Variants in U2AF2 observed in about 807,000 individuals in gnomAD.
U2AF2 encodes the protein splicing factor U2AF 65 kDa subunit.
A neutral mutation model predicts 52.6 loss-of-function variants in U2AF2; 6 were observed. The observed-to-expected ratio is 0.11, with a 90% CI of 0.06 to 0.23. U2AF2 has a LOEUF of 0.23. Among genes scored for constraint, U2AF2 ranks in the 10% least tolerant of loss-of-function variants. The probability of loss-of-function intolerance (pLI) is 1.00; values close to 1 mark genes in which losing one functional copy is unlikely to be tolerated. For synonymous variants in U2AF2, 284 were observed against 258.2 expected (o/e 1.10, Z -0.96); for missense variants, 222 against 677.1 (o/e 0.33, Z 7.46).
At chr19:55,664,017 G>A (rs953539978) in intron 7 of U2AF2, 16 of 401,738 alleles carry the variant, frequency 4.0e-5, no homozygotes, top group East Asian at 1.8e-4. Context: ...CTGGGGAAGC[G>A]AGGGGCTTGT....
In U2AF2 at chr19:55,662,498, G is replaced by A; in HGVS notation, c.487-4G>A. The A allele has an allele frequency of 3.0e-6, 4 of 1,333,992 alleles. No individual in the cohort carries two copies. The highest frequency in any genetic ancestry group is 4.0e-6 in the Non-Finnish European group (4 of 990,630). 82.6% of individuals were successfully genotyped at this position (1,333,992 alleles called of 1,614,324 possible). A position where few individuals can be genotyped will look rare whatever the true frequency, so the allele number is the denominator to read the frequency against. ...CCCCCCCTTGTCTCCTATTCCCTCT[G>A]CAGGAGGCCATGATGGATTTCTTCA... On this transcript the variant is annotated splice_polypyrimidine_tract_variant and splice_region_variant and intron_variant, in intron 5 of 11. Transcript: ENST00000308924.
chr19:55,667,812 G>A lies in U2AF2; in HGVS notation c.743-695G>A, dbSNP rs568015382. Among the ~76,000 whole-genome samples, 13 of 151,344 alleles carry A rather than the reference G, an allele frequency of 8.6e-5. No individual in the cohort carries two copies. The South Asian group carries it at 2.3e-3, about 27-fold the overall frequency. On this transcript the variant is annotated intron_variant, in intron 7 of 11. Transcript: ENST00000308924. Reference sequence around the variant, plus strand: ...TTTTTTTTTTTTCCTTTGAGATGGAGTCTCACTCTGTTGCTCAGGCTGGAG... The same window carrying A: ...TTTTTTTTTTTTCCTTTGAGATGGAATCTCACTCTGTTGCTCAGGCTGGAG...
intron 2 of U2AF2, among the ~76,000 whole-genome samples, chr19:55,659,738 A>C (rs960893564): frequency 6.6e-6 from 1 of 151,062 alleles, no homozygotes; most frequent in Non-Finnish European, 1.5e-5. Context: ...CTCTGCCTCC[A>C]GTTTCTTTCT....
intron 1 of U2AF2, among the ~76,000 whole-genome samples, chr19:55,656,374 T>TGAGG (rs1983796640): frequency 6.6e-6 from 1 of 152,250 alleles, no homozygotes; most frequent in Non-Finnish European, 1.5e-5. Context: ...TAACGTTTAC[T>TGAGG]GAGGGTCTGA....
Position 55,655,080 on chromosome 19 carries a change from C to G in U2AF2, c.-25C>G, listed in dbSNP as rs1181286719. The G allele has an allele frequency of 2.5e-6, 4 of 1,606,426 alleles. No homozygotes were observed. Among genetic ancestry groups the G allele is most frequent in the East Asian group, 2.3e-5 (1 of 43,854 alleles). ...GCGGCAAGGCGAGGCGAAAGCTGCA[C>G]AGGGCCCTACGCGGCCGCCTCAGCA... On this transcript the variant is annotated 5_prime_UTR_variant, in exon 1 of 12. Coordinates refer to ENST00000308924, the MANE Select transcript of U2AF2 (RefSeq NM_007279.3).
Position 55,661,400 on chromosome 19 carries a change from C to T in U2AF2, c.486+211C>T, listed in dbSNP as rs1037493738. On this transcript the variant is annotated intron_variant, in intron 5 of 11. Transcript: ENST00000308924. ...CTCCTCTTCCCCTCTCCCGTCTCCC[C>T]TCCCCCCAACCTCCTCCAGCAACCC... is the stretch of plus-strand genomic sequence containing the variant. The T allele has an allele frequency of 9.7e-6, 5 of 517,132 alleles. No homozygotes were observed. The South Asian group carries it at 1.6e-4, about 16-fold the overall frequency. 32.0% of individuals were successfully genotyped at this position (517,132 alleles called of 1,614,324 possible).
intron 11 of U2AF2, among the ~76,000 whole-genome samples, chr19:55,673,662 C>T (rs1167584640): frequency 6.6e-6 from 1 of 152,210 alleles, no homozygotes; most frequent in Non-Finnish European, 1.5e-5. Flanking sequence ...CTAGGCCTCC[C>T]GCCTGCGCTC....
At chr19:55,667,973 C>T (rs938576145) in intron 7 of U2AF2, among the ~76,000 whole-genome samples, 3 of 152,038 alleles carry the variant, frequency 2.0e-5, no homozygotes, top group South Asian at 2.1e-4. Context: ...TTTAGAGAGA[C>T]GGGGTTTCAC....
At chr19:55,661,484 A>C (rs1313829878) in intron 5 of U2AF2, among the ~76,000 whole-genome samples, 1 of 139,082 alleles carries the variant, frequency 7.2e-6, no homozygotes. Flanking sequence ...GGAGAGAGAC[A>C]GAGAGGGAGA....
At chr19:55,658,255 CT>C (rs1568548034) in intron 1 of U2AF2, among the ~76,000 whole-genome samples, 1 of 152,096 alleles carries the variant, frequency 6.6e-6, no homozygotes, top group African/African-American at 2.4e-5. Flanking sequence ...ATCTGGGTGT[CT>C]TTGAATTAAG....
rs369933026 is a variant in U2AF2 at position 55,669,257 on chromosome 19, C to T, written c.1044+76C>T. The T allele has an allele frequency of 5.1e-5, 81 of 1,574,012 alleles. 1 individual carries two copies. The Middle Eastern group carries it at 8.4e-4, about 16-fold the overall frequency. On this transcript the variant is annotated intron_variant, in intron 10 of 11. Coordinates refer to ENST00000308924, the MANE Select transcript of U2AF2 (RefSeq NM_007279.3). ...CTAGTAGGGGACAAGTGTTCCTGAT[C>T]TTTCTCCCAGCTTTCATGGGAAGGC...
At chr19:55,667,405 G>A (rs977627083) in intron 7 of U2AF2, among the ~76,000 whole-genome samples, 4 of 152,262 alleles carry the variant, frequency 2.6e-5, no homozygotes, top group South Asian at 2.1e-4. Flanking sequence ...GTTGGTTACC[G>A]GGGCCTGGCA....
At chr19:55,661,005 T>C (rs1219590617) in intron 4 of U2AF2, 33 bp from the exon 5 acceptor site, 1 of 1,551,154 alleles carries the variant, frequency 6.4e-7, no homozygotes, top group Admixed American at 1.8e-5. Context: ...ATTCCCCTGA[T>C]GGGGTTTTAT....
chr19:55,672,892 C>T (rs2122132841), intron 11 of U2AF2, among the ~76,000 whole-genome samples: 1 of 152,084 alleles, frequency 6.6e-6, no homozygotes, highest in Admixed American at 6.5e-5. Context: ...AGCCGCCCGT[C>T]TTGGCCTCCC....
chr19:55,661,290 C>T (rs1010592771), intron 5 of U2AF2, 101 bp downstream of exon 5: 4 of 1,258,896 alleles, frequency 3.2e-6, no homozygotes, highest in Middle Eastern at 2.8e-4. Context: ...TCAGACTCTG[C>T]TCCTGCAAGA....
At chr19:55,657,432 G>A (rs925453118) in intron 1 of U2AF2, among the ~76,000 whole-genome samples, 4 of 152,184 alleles carry the variant, frequency 2.6e-5, no homozygotes, top group African/African-American at 9.7e-5. Flanking sequence ...TCTGCTACCT[G>A]TATCTACAGG....
At chr19:55,673,655 G>GGCCTCCC (rs1310456053) in intron 11 of U2AF2, among the ~76,000 whole-genome samples, 1 of 152,208 alleles carries the variant, frequency 6.6e-6, no homozygotes, top group Non-Finnish European at 1.5e-5. Flanking sequence ...AGCTCGTCTA[G>GGCCTCCC]GCCTCCCGCC....
At chr19:55,664,888 T>C (rs111565081) in intron 7 of U2AF2, among the ~76,000 whole-genome samples, 1 of 152,082 alleles carries the variant, frequency 6.6e-6, no homozygotes, top group African/African-American at 2.4e-5. Flanking sequence ...TGGCTAATTT[T>C]TGTATTTTTA....
chr19:55,672,318 T>C (rs1984973227), intron 11 of U2AF2, among the ~76,000 whole-genome samples: 1 of 152,222 alleles, frequency 6.6e-6, no homozygotes, highest in Non-Finnish European at 1.5e-5. Context: ...TTAATTTTCA[T>C]ATTCAGCTTA....
Sources: allele counts gnomAD v4.1 joint callset (sites outside exome capture counted in the v4.1 genomes callset), GRCh38; gene constraint gnomAD v4.1.1; transcripts MANE v1.5; gene names NCBI Gene and HGNC (gene_info 2026-07-23, HGNC 2026-07-21).